The following GPHN variants were observed in gnomAD, a reference collection of about 807,000 sequenced individuals.
The protein encoded by GPHN is gephyrin.
GPHN carries 17 observed loss-of-function variants against 95.5 expected under a neutral mutation model. The observed-to-expected ratio is 0.18, with a 90% confidence interval of 0.12 to 0.27. The LOEUF (loss-of-function observed/expected upper bound fraction) is 0.27, where lower values mean the gene tolerates loss of function less well. Among genes scored for constraint, GPHN ranks in the 10% least tolerant of loss-of-function variants. The probability of loss-of-function intolerance (pLI) is 1.00; values close to 1 mark genes in which losing one functional copy is unlikely to be tolerated. For missense variants in GPHN, 660 were observed against 978.1 expected (o/e 0.67, Z 4.34); for synonymous variants, 320 against 322.5 (o/e 0.99, Z 0.08).
intron 1 of GPHN, among the ~76,000 whole-genome samples, chr14:66,651,294 C>G (rs2065032472): frequency 6.6e-6 from 1 of 152,184 alleles, no homozygotes; most frequent in Non-Finnish European, 1.5e-5. Context: ...GGGAGAACAA[C>G]AAGTGTGTTC....
chr14:67,100,389 T>C (rs2077630431), intron 12 of GPHN, among the ~76,000 whole-genome samples: 1 of 152,214 alleles, frequency 6.6e-6, no homozygotes, highest in African/African-American at 2.4e-5. Context: ...AGTATGAAGT[T>C]GTTAAAATGT....
chr14:67,408,955 C>CT, the GPHN span, among the ~76,000 whole-genome samples: 1 of 151,746 alleles, frequency 6.6e-6, no homozygotes, highest in Admixed American at 6.6e-5. Context: ...GGCCAGGCGC[C>CT]TATAATCCCA....
the GPHN span, among the ~76,000 whole-genome samples, chr14:67,332,490 C>T: frequency 6.6e-6 from 1 of 152,184 alleles, no homozygotes; most frequent in South Asian, 2.1e-4. Context: ...AGTGTGTGTT[C>T]TTGAAGCTTG....
intron 18 of GPHN, among the ~76,000 whole-genome samples, chr14:67,156,774 C>T (rs1035975007): frequency 6.6e-6 from 1 of 151,848 alleles, no homozygotes; most frequent in East Asian, 1.9e-4. Context: ...GCCAGGAGTT[C>T]GAGACCAGCC....
chr14:67,368,511 A>C, the GPHN span, among the ~76,000 whole-genome samples: 3 of 152,156 alleles, frequency 2.0e-5, no homozygotes. Flanking sequence ...ATATATAGTT[A>C]ATACAGTTGG....
At chr14:67,379,654 C>CTTTTTTTTTTTTTTTTTTTT in the GPHN span, among the ~76,000 whole-genome samples, 2 of 119,956 alleles carry the variant, frequency 1.7e-5, no homozygotes, top group African/African-American at 3.6e-5. Context: ...TTTTCTTTTT[C>CTTTTTTTTTTTTTTTTTTTT]TTTTTTTTTT....
chr14:66,732,805 G>A (rs545675240), intron 2 of GPHN, among the ~76,000 whole-genome samples: 41 of 152,252 alleles, frequency 2.7e-4, no homozygotes, highest in Non-Finnish European at 5.0e-4. Context: ...ATGAGCCACC[G>A]CATCTGGCCT....
At chr14:67,371,448 G>C in the GPHN span, among the ~76,000 whole-genome samples, 1 of 152,056 alleles carries the variant, frequency 6.6e-6, no homozygotes, top group Non-Finnish European at 1.5e-5. Context: ...AAGGAGGCGG[G>C]AACACTTTCG....
chr14:67,654,267 C>A, the GPHN span, among the ~76,000 whole-genome samples: 1 of 152,094 alleles, frequency 6.6e-6, no homozygotes, highest in South Asian at 2.1e-4. Context: ...CCACACCCTG[C>A]TCCTTTTTTT....
intron 20 of GPHN, 76 bp downstream of exon 20, chr14:67,165,302 C>A: frequency 1.1e-6 from 1 of 899,116 alleles, no homozygotes; most frequent in South Asian, 1.3e-5. Flanking sequence ...ATGTGACCAC[C>A]TGGTTTGAAA....
At chr14:67,484,422 C>G in the GPHN span, among the ~76,000 whole-genome samples, 1 of 152,204 alleles carries the variant, frequency 6.6e-6, no homozygotes, top group Non-Finnish European at 1.5e-5. Context: ...ATATAGCCTT[C>G]TAAAACATTT....
chr14:67,320,471 G>T, the GPHN span: 1 of 1,358,478 alleles, frequency 7.4e-7, no homozygotes, highest in African/African-American at 1.5e-5. Context: ...ATCATGTAGG[G>T]AAATTTTTTA....
At chr14:67,392,807 G>T in the GPHN span, 1 of 1,613,794 alleles carries the variant, frequency 6.2e-7, no homozygotes, top group Non-Finnish European at 8.5e-7. Flanking sequence ...CAGACGGCTG[G>T]CCGTGAAGCT....
chr14:67,023,954 C>T lies in GPHN; in HGVS notation c.1006+279C>T, dbSNP rs555566524. Among the ~76,000 whole-genome samples, 15 of 152,044 alleles carry T rather than the reference C, an allele frequency of 9.9e-5. No homozygotes were observed. The South Asian group carries it at 1.7e-3, about 17-fold the overall frequency. ...ACTCTGAACCTCTCTTTAATTGTTC[C>T]ACTGCCAAAAGTTATTTGAAAACAA... On this transcript the variant is annotated intron_variant, in intron 10 of 22. Coordinates refer to ENST00000478722, the MANE Select transcript of GPHN (RefSeq NM_020806.5).
intron 1 of GPHN, among the ~76,000 whole-genome samples, chr14:66,591,411 C>T (rs751288463): frequency 7.2e-5 from 11 of 152,184 alleles, no homozygotes; most frequent in Non-Finnish European, 1.5e-4. Context: ...AAAACCCCAT[C>T]GTCTCAGCCC....
chr14:67,724,476 G>C, the GPHN span: 6 of 1,601,262 alleles, frequency 3.7e-6, no homozygotes, highest in Non-Finnish European at 5.1e-6. Context: ...CCGATAGGAA[G>C]TTCTTTGCTG....
chr14:67,428,731 C>G, the GPHN span, among the ~76,000 whole-genome samples: 4,537 of 152,328 alleles, frequency 0.03, 91 homozygotes, highest in Non-Finnish European at 0.042. Flanking sequence ...TCAACGCTGC[C>G]CCTTCCTTCC....
the GPHN span, among the ~76,000 whole-genome samples, chr14:67,595,794 C>T: frequency 6.6e-6 from 1 of 152,104 alleles, no homozygotes; most frequent in Admixed American, 6.5e-5. Context: ...ACTTGGAGGA[C>T]CAGGTGGAGG....
intron 2 of GPHN, among the ~76,000 whole-genome samples, chr14:66,730,074 G>A (rs2071627700): frequency 6.6e-6 from 1 of 152,216 alleles, no homozygotes; most frequent in South Asian, 2.1e-4. Context: ...ATATAATATG[G>A]TAACTATACT....
Sources: allele counts gnomAD v4.1 joint callset (sites outside exome capture counted in the v4.1 genomes callset), GRCh38; gene constraint gnomAD v4.1.1; transcripts MANE v1.5; gene names NCBI Gene and HGNC (gene_info 2026-07-23, HGNC 2026-07-21).